The following SMC5 variants were observed in gnomAD, a reference collection of about 807,000 sequenced individuals.
SMC5 encodes the protein structural maintenance of chromosomes 5.
A neutral mutation model predicts 148.3 loss-of-function variants in SMC5; 88 were observed. That is an observed-to-expected ratio of 0.59 (90% CI 0.50 to 0.71). SMC5 has a LOEUF of 0.71. SMC5 is among the 30% of genes least tolerant of loss of function. The pLI, the probability that SMC5 is intolerant of heterozygous loss-of-function variation, is 0.00. For missense variants in SMC5, 1,142 were observed against 1,298.9 expected (o/e 0.88, Z 1.86); for synonymous variants, 421 against 432.8 (o/e 0.97, Z 0.34).
At chr9:70,305,101 A>T in intron 10 of SMC5, 146 bp from the exon 11 acceptor site, 1 of 517,606 alleles carries the variant, frequency 1.9e-6, no homozygotes, top group Non-Finnish European at 3.4e-6. Context: ...AGATGTTTTA[A>T]AATAACTCTT....
At chr9:70,329,486 C>T (rs4744593) in intron 17 of SMC5, among the ~76,000 whole-genome samples, 16,042 of 152,210 alleles carry the variant, frequency 0.11, 885 homozygotes, top group East Asian at 0.14. Context: ...CTGCCAGTCT[C>T]TGCTAAAACA....
intron 11 of SMC5, chr9:70,311,250 G>A (rs1052633400): frequency 1.3e-5 from 2 of 152,122 alleles, no homozygotes; most frequent in Admixed American, 6.5e-5. Flanking sequence ...AGAGGCTATT[G>A]TAGGGTTATT....
At chr9:70,338,734 C>T (rs915255253) in intron 17 of SMC5, among the ~76,000 whole-genome samples, 10 of 152,162 alleles carry the variant, frequency 6.6e-5, no homozygotes, top group African/African-American at 2.4e-4. Context: ...CATTCTGAGT[C>T]CATTGCTGCT....
At chr9:70,319,256 T>A (rs934506325) in intron 15 of SMC5, among the ~76,000 whole-genome samples, 4 of 152,224 alleles carry the variant, frequency 2.6e-5, no homozygotes, top group African/African-American at 9.6e-5. Context: ...ATATTTACCA[T>A]ATTAGAAATT....
chr9:70,327,299 G>A (rs898272901), intron 17 of SMC5, among the ~76,000 whole-genome samples: 8 of 152,124 alleles, frequency 5.3e-5, no homozygotes, highest in African/African-American at 1.9e-4. Context: ...ACAGGACCCA[G>A]GAGCCTACAT....
intron 2 of SMC5, among the ~76,000 whole-genome samples, chr9:70,265,525 A>G (rs1451275932): frequency 1.3e-5 from 2 of 152,222 alleles, no homozygotes; most frequent in South Asian, 2.1e-4. Context: ...TATAATCACA[A>G]TGATTATAAA....
intron 3 of SMC5, among the ~76,000 whole-genome samples, chr9:70,275,997 G>T (rs1301546168): frequency 3.3e-5 from 5 of 151,708 alleles, no homozygotes; most frequent in Admixed American, 3.3e-4. Flanking sequence ...GTCTTCTTGT[G>T]TGTGTGTTTG....
At chr9:70,340,536 G>A (rs2036493463) in intron 17 of SMC5, among the ~76,000 whole-genome samples, 1 of 151,552 alleles carries the variant, frequency 6.6e-6, no homozygotes, top group Non-Finnish European at 1.5e-5. Context: ...GTTAACATTT[G>A]AATTTGAAAT....
intron 22 of SMC5, among the ~76,000 whole-genome samples, chr9:70,348,972 A>C (rs2036737237): frequency 2.0e-5 from 3 of 152,196 alleles, no homozygotes; most frequent in African/African-American, 7.2e-5. Context: ...AAAATTACAT[A>C]TGTGGGTTGT....
chr9:70,282,320 A>T (rs1422803191), intron 6 of SMC5, 102 bp from the exon 7 acceptor site: 1 of 1,264,548 alleles, frequency 7.9e-7, no homozygotes, highest in Non-Finnish European at 1.1e-6. Flanking sequence ...TGATATCAAA[A>T]CAATCTTTTC....
At chr9:70,310,693 G>A (rs1245500976) in intron 11 of SMC5, among the ~76,000 whole-genome samples, 1 of 152,190 alleles carries the variant, frequency 6.6e-6, no homozygotes, top group East Asian at 1.9e-4. Flanking sequence ...GAAAGTCCTA[G>A]ATGGCATTCT....
At chr9:70,312,120 CAAAAAAAAAAAAAA>C (rs3072341) in intron 11 of SMC5, 1 of 63,294 alleles carries the variant, frequency 1.6e-5, no homozygotes, top group Non-Finnish European at 2.6e-5. Context: ...GACACTGTCT[CAAAAAAAAAAAAAA>C]AAAAAAAAAA....
chr9:70,287,879 A>C (rs1479361542), intron 8 of SMC5, among the ~76,000 whole-genome samples: 1 of 152,130 alleles, frequency 6.6e-6, no homozygotes, highest in Non-Finnish European at 1.5e-5. Flanking sequence ...AGTTCTTCAC[A>C]TCCCTTTCTT....
At chr9:70,281,943 A>C (rs773378299) in intron 6 of SMC5, among the ~76,000 whole-genome samples, 1 of 150,070 alleles carries the variant, frequency 6.7e-6, no homozygotes, top group Non-Finnish European at 1.5e-5. Context: ...TTAGTGTGCC[A>C]CTTAATTTTT....
intron 7 of SMC5, among the ~76,000 whole-genome samples, chr9:70,284,248 C>T (rs749700150): frequency 3.3e-5 from 5 of 152,152 alleles, no homozygotes; most frequent in Non-Finnish European, 7.4e-5. Context: ...TAAACAGTTA[C>T]TAAGATCAGA....
intron 21 of SMC5, 91 bp from the exon 22 acceptor site, chr9:70,347,828 C>G (rs2036707227): frequency 2.3e-6 from 3 of 1,320,532 alleles, no homozygotes; most frequent in Non-Finnish European, 3.1e-6. Flanking sequence ...TATGCCCAGA[C>G]TGATACTGAT....
chr9:70,308,140 A>G (rs2035555455), intron 11 of SMC5, among the ~76,000 whole-genome samples: 1 of 152,148 alleles, frequency 6.6e-6, no homozygotes, highest in South Asian at 2.1e-4. Flanking sequence ...TATGTGCACC[A>G]TGAATTCACA....
chr9:70,312,020 G>A (rs1418517645), intron 11 of SMC5: 1 of 150,580 alleles, frequency 6.6e-6, no homozygotes, highest in African/African-American at 2.5e-5. Flanking sequence ...CTATGCAAGA[G>A]GCTGAGACGA....
intron 8 of SMC5, among the ~76,000 whole-genome samples, chr9:70,288,856 T>C (rs1369624702): frequency 6.6e-6 from 1 of 152,166 alleles, no homozygotes; most frequent in African/African-American, 2.4e-5. Flanking sequence ...TTTTTGGCTT[T>C]TATTGTGTGT....
Sources: gnomAD v4.1 joint callset for allele counts (sites outside exome capture counted in the v4.1 genomes callset) on GRCh38, gnomAD v4.1.1 for gene constraint, MANE v1.5 for transcripts, NCBI Gene and HGNC (gene_info 2026-07-23, HGNC 2026-07-21) for gene names.